The following TTC23L variants were observed in gnomAD, a reference collection of about 807,000 sequenced individuals.
The protein encoded by TTC23L is tetratricopeptide repeat protein 23-like.
A neutral mutation model predicts 48.1 loss-of-function variants in TTC23L; 42 were observed. The observed-to-expected ratio is 0.87, with a 90% CI of 0.68 to 1.13. The LOEUF (loss-of-function observed/expected upper bound fraction) is 1.13, where lower values mean the gene tolerates loss of function less well. Ranked by LOEUF, TTC23L falls within the 50% of genes most tolerant of loss-of-function variation. The pLI is 0.00. For synonymous variants in TTC23L, 159 were observed against 157.2 expected (o/e 1.01, Z -0.09); for missense variants, 391 against 421.0 (o/e 0.93, Z 0.62).
intron 8 of TTC23L, among the ~76,000 whole-genome samples, chr5:34,874,313 A>C (rs897325260): frequency 2.7e-4 from 41 of 152,224 alleles, no homozygotes; most frequent in African/African-American, 9.9e-4. Context: ...AAGAAATGTG[A>C]TCATAAAATA....
intron 10 of TTC23L, among the ~76,000 whole-genome samples, chr5:34,898,385 C>T (rs1339657257): frequency 6.6e-6 from 1 of 152,180 alleles, no homozygotes; most frequent in African/African-American, 2.4e-5. Context: ...CTGACACAGT[C>T]ACCTAAACTC....
chr5:34,919,818 TTTC>T, the TTC23L span: 1 of 838,562 alleles, frequency 1.2e-6, no homozygotes, highest in Non-Finnish European at 1.8e-6. Context: ...TTACTTGCTT[TTTC>T]TTTTTTTTCT....
intron 9 of TTC23L, among the ~76,000 whole-genome samples, chr5:34,885,477 A>C (rs1762487295): frequency 6.6e-6 from 1 of 152,182 alleles, no homozygotes; most frequent in African/African-American, 2.4e-5. Flanking sequence ...GCGATGGCTC[A>C]TGCCTGTCTG....
In TTC23L at chr5:34,895,343, T is replaced by G. The variant is rs542463206; in HGVS notation, c.1078-1427T>G. Among the ~76,000 whole-genome samples the G allele has an allele frequency of 2.6e-5, 4 of 152,338 alleles. No individual in the cohort carries two copies. The South Asian group carries it at 8.3e-4, about 32-fold the overall frequency. On this transcript the variant is annotated intron_variant, in intron 9 of 10. Transcript: ENST00000505624. ...GAAACATAATGAAGAGTAAATGAGA[T>G]TATTTACATAAAGCACTTAGCACAG...
At chr5:34,876,661 T>A (rs1420195621) in intron 8 of TTC23L, among the ~76,000 whole-genome samples, 1 of 152,130 alleles carries the variant, frequency 6.6e-6, no homozygotes, top group Non-Finnish European at 1.5e-5. Context: ...ACCAAACATA[T>A]AACAAATTCT....
At chr5:34,862,200 G>A (rs990992410) in intron 4 of TTC23L, among the ~76,000 whole-genome samples, 2 of 152,110 alleles carry the variant, frequency 1.3e-5, no homozygotes, top group Non-Finnish European at 2.9e-5. Context: ...TCTAGCTGGG[G>A]TCTGGCCTTG....
At chr5:34,840,623 C>T in intron 1 of TTC23L, 42 bp from the exon 2 acceptor site, 1 of 1,552,860 alleles carries the variant, frequency 6.4e-7, no homozygotes, top group Non-Finnish European at 8.9e-7. Flanking sequence ...AACAGACACC[C>T]AGCCTTTTCT....
intron 9 of TTC23L, 115 bp downstream of exon 9, chr5:34,880,423 C>A: frequency 9.3e-7 from 1 of 1,078,216 alleles, no homozygotes; most frequent in Non-Finnish European, 1.3e-6. Flanking sequence ...TAAAACTAGG[C>A]AAGAACCACA....
the TTC23L span, chr5:34,914,517 C>A: frequency 4.6e-6 from 3 of 649,918 alleles, no homozygotes; most frequent in Middle Eastern, 8.6e-4. Context: ...AAAAAAAATT[C>A]AAGTAATGAC....
chr5:34,863,623 T>C lies in TTC23L; in HGVS notation c.536+569T>C, dbSNP rs531511431. On this transcript the variant is annotated intron_variant, in intron 5 of 10. Coordinates refer to ENST00000505624, the Ensembl canonical transcript of TTC23L. The surrounding 1 kb of genome is among the most constrained non-coding windows in gnomAD (Gnocchi z 4.1). ...ACTGATTCTCGATCATTTTAGTTTT[T>C]TGAAATGCTCTTGTGGATACTGCCC... 6.6e-6 allele frequency among the ~76,000 whole-genome samples: 1 copy of C among 152,312 alleles called. No individual in the cohort carries two copies. Among genetic ancestry groups the C allele is most frequent in the Non-Finnish European group, 1.5e-5 (1 of 68,020 alleles).
At chr5:34,845,630 C>G in exon 3 of TTC23L, 1 of 1,613,416 alleles carries the variant, frequency 6.2e-7, no homozygotes, top group East Asian at 2.2e-5. Flanking sequence ...GAGAAATTAG[C>G]CCAATCCCAG....
chr5:34,863,108 C>T lies in TTC23L; in HGVS notation c.536+54C>T. On this transcript the variant is annotated intron_variant, in intron 5 of 10. Coordinates refer to ENST00000505624, the Ensembl canonical transcript of TTC23L. This position sits in a 1 kb window ranked among gnomAD's most constrained non-coding sequence, Gnocchi z 4.1. Reference sequence around the variant, plus strand: ...TGTTCGGGGCCACAGGCCACACATGCCAGATGGGTCATCTCATACAGGAGG... The same window carrying T: ...TGTTCGGGGCCACAGGCCACACATGTCAGATGGGTCATCTCATACAGGAGG... The T allele has an allele frequency of 1.2e-6, 2 of 1,603,144 alleles. No homozygotes were observed. The highest frequency in any genetic ancestry group is 1.7e-6 in the Non-Finnish European group (2 of 1,173,092).
intron 9 of TTC23L, among the ~76,000 whole-genome samples, chr5:34,890,782 T>G (rs886260398): frequency 1.3e-5 from 2 of 152,124 alleles, no homozygotes; most frequent in Non-Finnish European, 2.9e-5. Flanking sequence ...TGCCTGGAGT[T>G]TTTTTTAAAA....
chr5:34,840,565 T>G, intron 1 of TTC23L, 100 bp from the exon 2 acceptor site: 1 of 952,476 alleles, frequency 1.0e-6, no homozygotes, highest in Non-Finnish European at 1.7e-6. Context: ...GTTATATATT[T>G]GAGCAGTTTT....
chr5:34,902,329 T>C, downstream of TTC23L: 1 of 249,140 alleles, frequency 4.0e-6, no homozygotes, highest in Admixed American at 4.0e-5. Context: ...GACAGGAGAA[T>C]CACTTGAACC....
At chr5:34,898,055 G>GA (rs1317602633) in intron 10 of TTC23L, among the ~76,000 whole-genome samples, 3 of 152,134 alleles carry the variant, frequency 2.0e-5, no homozygotes, top group African/African-American at 7.2e-5. Context: ...ATAAAATGGG[G>GA]ATGAAGTATA....
chr5:34,925,056 T>A, the TTC23L span: 2 of 1,524,918 alleles, frequency 1.3e-6, no homozygotes, highest in Admixed American at 4.4e-5. Context: ...ATTGCTGTTT[T>A]ATTACCTGTG....
chr5:34,908,826 T>C, the TTC23L span: 2 of 1,613,142 alleles, frequency 1.2e-6, no homozygotes, highest in Non-Finnish European at 1.7e-6. Flanking sequence ...AAAACATATT[T>C]GTCCATCTTC....
the TTC23L span, among the ~76,000 whole-genome samples, chr5:34,917,374 C>T: frequency 6.6e-6 from 1 of 152,240 alleles, no homozygotes; most frequent in African/African-American, 2.4e-5. Context: ...TGGCTCACGC[C>T]TGTAATCCCA....
Sources: gnomAD v4.1 joint callset for allele counts (sites outside exome capture counted in the v4.1 genomes callset) on GRCh38, gnomAD v4.1.1 for gene constraint, Gnocchi (gnomAD v3.1) non-coding constraint, MANE v1.5 for transcripts, NCBI Gene and HGNC (gene_info 2026-07-23, HGNC 2026-07-21) for gene names.